The following BCKDHB variants were observed in gnomAD, a reference collection of about 807,000 sequenced individuals.
BCKDHB encodes the protein 2-oxoisovalerate dehydrogenase subunit beta, mitochondrial.
BCKDHB carries 41 observed loss-of-function variants against 48.5 expected under a neutral mutation model. That is an observed-to-expected ratio of 0.85 (90% CI 0.66 to 1.10). The LOEUF (loss-of-function observed/expected upper bound fraction) is 1.10, where lower values mean the gene tolerates loss of function less well. Among genes scored for constraint, BCKDHB ranks in the 50% least tolerant of loss-of-function variants. The pLI, the probability that BCKDHB is intolerant of heterozygous loss-of-function variation, is 0.00. For synonymous variants in BCKDHB, 201 were observed against 174.8 expected (o/e 1.15, Z -1.18); for missense variants, 496 against 494.2 (o/e 1.00, Z -0.03).
intron 8 of BCKDHB, among the ~76,000 whole-genome samples, chr6:80,206,117 A>G (rs1017136706): frequency 6.6e-6 from 1 of 152,066 alleles, no homozygotes; most frequent in African/African-American, 2.4e-5. Context: ...AAGTGAAGCT[A>G]TCACTTGGTA....
rs1380643437 is a variant in BCKDHB, at chr6:80,335,498, C to T, written c.1039-8166C>T. Among the ~76,000 whole-genome samples the T allele has an allele frequency of 2.0e-5, 3 of 152,066 alleles. No individual in the cohort carries two copies. In the East Asian group the frequency reaches 5.8e-4, roughly 29 times the overall value. ...AACTATAAAATTTGAGAAGCTTCAG[C>T]GTCTGTGGAAATTTGAGAGCATTGC... On this transcript the variant is annotated intron_variant, in intron 9 of 9. Transcript: ENST00000320393.
At chr6:80,194,067 T>C (rs748565708) in intron 6 of BCKDHB, among the ~76,000 whole-genome samples, 5 of 152,180 alleles carry the variant, frequency 3.3e-5, no homozygotes, top group Non-Finnish European at 5.9e-5. Flanking sequence ...TATCAATGTA[T>C]AGTGTCTCTG....
chr6:80,324,421 G>C (rs982103262), intron 9 of BCKDHB, among the ~76,000 whole-genome samples: 68 of 152,218 alleles, frequency 4.5e-4, no homozygotes, highest in African/African-American at 1.6e-3. Flanking sequence ...AAGAAATCAG[G>C]ACAGGAGATG....
intron 6 of BCKDHB, among the ~76,000 whole-genome samples, chr6:80,182,088 A>C (rs146565491): frequency 2.6e-4 from 39 of 152,336 alleles, no homozygotes; most frequent in African/African-American, 8.4e-4. Context: ...TGAAGTGGTC[A>C]AGTAGATTTC....
intron 8 of BCKDHB, among the ~76,000 whole-genome samples, chr6:80,211,781 TAAAGAG>T (rs1219658314): frequency 6.6e-6 from 1 of 152,020 alleles, no homozygotes; most frequent in Non-Finnish European, 1.5e-5. Context: ...GGCTGAGAAA[TAAAGAG>T]AAAGAGTACA....
chr6:80,311,312 G>C (rs1395473755), intron 9 of BCKDHB, among the ~76,000 whole-genome samples: 2 of 152,074 alleles, frequency 1.3e-5, no homozygotes, highest in Non-Finnish European at 2.9e-5. Context: ...GCCCAGTCTC[G>C]GGTATGCCTT....
intron 9 of BCKDHB, among the ~76,000 whole-genome samples, chr6:80,282,084 C>A (rs1351820094): frequency 6.6e-6 from 1 of 152,070 alleles, no homozygotes; most frequent in African/African-American, 2.4e-5. Flanking sequence ...TGACAGAGAA[C>A]TAACGTGTAC....
chr6:80,333,366 T>A (rs1442119453), intron 9 of BCKDHB, among the ~76,000 whole-genome samples: 2 of 152,208 alleles, frequency 1.3e-5, no homozygotes, highest in African/African-American at 4.8e-5. Context: ...ACAGCTATTT[T>A]TATTTATGAT....
At chr6:80,179,027 T>A (rs898610941) in intron 6 of BCKDHB, among the ~76,000 whole-genome samples, 17 of 152,170 alleles carry the variant, frequency 1.1e-4, no homozygotes, top group African/African-American at 4.1e-4. Context: ...AATGATCTTA[T>A]TTTTTATTTT....
chr6:80,127,301 T>G (rs1230468332), intron 1 of BCKDHB: 1 of 455,596 alleles, frequency 2.2e-6, no homozygotes, highest in Non-Finnish European at 4.0e-6. Context: ...CTTGGTTATA[T>G]TCCTTCTTCC....
At chr6:80,398,465 C>T in the BCKDHB span, among the ~76,000 whole-genome samples, 15,741 of 151,770 alleles carry the variant, frequency 0.1, 2,358 homozygotes, top group African/African-American at 0.33. Flanking sequence ...GCAGACAAAC[C>T]AGAAAACAAG....
the BCKDHB span, among the ~76,000 whole-genome samples, chr6:80,352,540 G>A: frequency 6.6e-6 from 1 of 152,090 alleles, no homozygotes; most frequent in Admixed American, 6.5e-5. Flanking sequence ...ACCATTTTCT[G>A]TAATCAAGTT....
intron 4 of BCKDHB, among the ~76,000 whole-genome samples, chr6:80,168,163 G>C (rs1297221825): frequency 1.3e-5 from 2 of 151,912 alleles, no homozygotes; most frequent in African/African-American, 2.4e-5. Context: ...GCACATACCT[G>C]TCATCCCAGT....
the BCKDHB span, among the ~76,000 whole-genome samples, chr6:80,459,255 T>C: frequency 3.3e-5 from 5 of 152,114 alleles, no homozygotes; most frequent in Non-Finnish European, 7.4e-5. Flanking sequence ...AATGAGTAGA[T>C]AAAGAAAATG....
intron 9 of BCKDHB, among the ~76,000 whole-genome samples, chr6:80,315,789 C>A (rs145768690): frequency 6.6e-6 from 1 of 152,054 alleles, no homozygotes; most frequent in African/African-American, 2.4e-5. Context: ...TGGCCTGTTT[C>A]CTTCGTCTAG....
intron 8 of BCKDHB, among the ~76,000 whole-genome samples, chr6:80,229,934 A>G (rs1775838823): frequency 6.6e-6 from 1 of 151,944 alleles, no homozygotes; most frequent in Non-Finnish European, 1.5e-5. Flanking sequence ...AAATCAGACT[A>G]AAATATACTG....
At chr6:80,277,764 C>T (rs576788715) in intron 9 of BCKDHB, among the ~76,000 whole-genome samples, 24 of 150,914 alleles carry the variant, frequency 1.6e-4, no homozygotes, top group Non-Finnish European at 2.8e-4. Context: ...CCTTTCTGTG[C>T]GGTCTCTTTT....
chr6:80,263,359 C>T (rs1052649866), intron 8 of BCKDHB, among the ~76,000 whole-genome samples: 1 of 152,078 alleles, frequency 6.6e-6, no homozygotes, highest in African/African-American at 2.4e-5. Flanking sequence ...AACTTAGATA[C>T]ATAATTAAAA....
the BCKDHB span, among the ~76,000 whole-genome samples, chr6:80,419,173 C>T: frequency 6.6e-6 from 1 of 152,150 alleles, no homozygotes; most frequent in Non-Finnish European, 1.5e-5. Context: ...GAAAGCAAAA[C>T]CCACAGGCAG....
Sources: gnomAD v4.1 joint callset for allele counts (sites outside exome capture counted in the v4.1 genomes callset) on GRCh38, gnomAD v4.1.1 for gene constraint, MANE v1.5 for transcripts, NCBI Gene and HGNC (gene_info 2026-07-23, HGNC 2026-07-21) for gene names.